Variants in BAZ1A observed in about 807,000 individuals in gnomAD.
BAZ1A encodes the protein bromodomain adjacent to zinc finger domain protein 1A.
Under a neutral mutation model 185.2 loss-of-function variants are expected in BAZ1A, and 50 were observed. The observed-to-expected ratio is 0.27, with a 90% confidence interval of 0.22 to 0.34. The LOEUF (loss-of-function observed/expected upper bound fraction) is 0.34, where lower values mean the gene tolerates loss of function less well. Among genes scored for constraint, BAZ1A ranks in the 10% least tolerant of loss-of-function variants. The pLI is 1.00. For synonymous variants in BAZ1A, 571 were observed against 615.6 expected, an observed-to-expected ratio of 0.93 and a Z score of 1.07; for missense variants, 1,356 against 1,839.9, an observed-to-expected ratio of 0.74 and a Z score of 4.81.
At chr14:34,854,118 A>G (rs1482242517) in intron 3 of BAZ1A, among the ~76,000 whole-genome samples, 1 of 152,204 alleles carries the variant, frequency 6.6e-6, no homozygotes, top group Non-Finnish European at 1.5e-5. Context: ...TATGATGCGG[A>G]ACTCAGGATC....
intron 21 of BAZ1A, among the ~76,000 whole-genome samples, chr14:34,770,542 T>C (rs914417770): frequency 5.9e-5 from 9 of 152,230 alleles, no homozygotes; most frequent in Non-Finnish European, 1.3e-4. Flanking sequence ...ATTTCTTCCA[T>C]GATCCCATTA....
intron 26 of BAZ1A, 71 bp from the exon 27 acceptor site, chr14:34,753,775 A>G: frequency 8.1e-7 from 1 of 1,238,260 alleles, no homozygotes; most frequent in Admixed American, 3.3e-5. Flanking sequence ...TTCTTGTATC[A>G]TATCTGGAAA....
At chr14:34,824,408 C>CAAAACAA (rs2042134517) in intron 4 of BAZ1A, among the ~76,000 whole-genome samples, 1 of 65,770 alleles carries the variant, frequency 1.5e-5, no homozygotes, top group Non-Finnish European at 2.5e-5. Context: ...AGCAGCAACT[C>CAAAACAA]AAAAAAAAAA....
chr14:34,843,492 G>A (rs569886223), intron 3 of BAZ1A, among the ~76,000 whole-genome samples: 6 of 152,096 alleles, frequency 3.9e-5, no homozygotes, highest in Non-Finnish European at 7.4e-5. Flanking sequence ...TGAGGCCCCA[G>A]ACATGTAAGG....
intron 3 of BAZ1A, among the ~76,000 whole-genome samples, chr14:34,849,690 T>C (rs1293456398): frequency 6.6e-6 from 1 of 152,200 alleles, no homozygotes; most frequent in African/African-American, 2.4e-5. Context: ...TAAATGTTAG[T>C]GTACTTCCAG....
At chr14:34,758,550 A>C (rs919010063) in intron 25 of BAZ1A, 154 bp downstream of exon 25, 10 of 726,532 alleles carry the variant, frequency 1.4e-5, no homozygotes, top group Non-Finnish European at 2.1e-5. Flanking sequence ...ACTGCACTCC[A>C]GCCTGGGCGA....
intron 3 of BAZ1A, among the ~76,000 whole-genome samples, chr14:34,847,277 G>T (rs2042529757): frequency 1.3e-5 from 2 of 151,744 alleles, no homozygotes; most frequent in African/African-American, 2.4e-5. Flanking sequence ...GGTCATCAGG[G>T]TTTACTGAAA....
chr14:34,772,638 G>T lies in BAZ1A; in HGVS notation c.3152+934C>A, dbSNP rs577097537. On this transcript the variant is annotated intron_variant, in intron 20 of 26. Transcript: ENST00000360310. ...AATACTTATACTTATTTAGAGATGA[G>T]GTCTCATTGTTGCTCAGGCTGGAGT... 4.6e-5 allele frequency among the ~76,000 whole-genome samples: 7 copies of T among 152,144 alleles called. No individual in the cohort carries two copies. The South Asian group carries it at 1.5e-3, about 32-fold the overall frequency.
At chr14:34,861,830 A>T (rs1023083182) in intron 3 of BAZ1A, among the ~76,000 whole-genome samples, 31 of 152,348 alleles carry the variant, frequency 2.0e-4, no homozygotes, top group Non-Finnish European at 4.1e-4. Context: ...ATACACATAC[A>T]GACGCATGCA....
At chr14:34,845,730 G>A (rs867970580) in intron 3 of BAZ1A, among the ~76,000 whole-genome samples, 24 of 152,046 alleles carry the variant, frequency 1.6e-4, no homozygotes, top group African/African-American at 2.4e-4. Flanking sequence ...GCGTGGTGGC[G>A]TGTGCCTGTA....
At chr14:34,777,421 A>G (rs942610615) in intron 17 of BAZ1A, among the ~76,000 whole-genome samples, 4 of 152,194 alleles carry the variant, frequency 2.6e-5, no homozygotes, top group Admixed American at 6.5e-5. Flanking sequence ...AGGTGGGCGG[A>G]TCACCTGACA....
rs1880238197 is a variant in BAZ1A, at chr14:34,784,070, A to G, written c.1832-143T>C. 3 of 766,006 alleles carry G rather than the reference A, an allele frequency of 3.9e-6. No homozygotes were observed. The South Asian group carries it at 6.5e-5, about 17-fold the overall frequency. The allele number at this position is 766,006 out of a possible 1,614,324, so 47.5% of individuals were successfully genotyped here. A position where few individuals can be genotyped will look rare whatever the true frequency, so the allele number is the denominator to read the frequency against. Reference sequence around the variant, plus strand: ...TCAAACATGTCAATGACATGTCTTCAGGAAAAAGCAATTATGGGCCAGGCG... The same window carrying G: ...TCAAACATGTCAATGACATGTCTTCGGGAAAAAGCAATTATGGGCCAGGCG... On this transcript the variant is annotated intron_variant, in intron 14 of 26. Coordinates refer to ENST00000360310, the MANE Select transcript of BAZ1A (RefSeq NM_013448.3).
intron 9 of BAZ1A, among the ~76,000 whole-genome samples, chr14:34,798,826 C>T (rs10149825): frequency 0.012 from 1,830 of 152,220 alleles, 40 homozygotes; most frequent in African/African-American, 0.041. Context: ...GACAGTGTGG[C>T]GATTCCTCAA....
chr14:34,849,023 G>C (rs2042558328), intron 3 of BAZ1A, among the ~76,000 whole-genome samples: 1 of 152,198 alleles, frequency 6.6e-6, no homozygotes, highest in South Asian at 2.1e-4. Flanking sequence ...ACGTGGCTAG[G>C]TGTGGTGGCT....
chr14:34,806,742 T>TTTA (rs1029313199), intron 6 of BAZ1A, among the ~76,000 whole-genome samples: 13 of 151,764 alleles, frequency 8.6e-5, no homozygotes, highest in Admixed American at 2.0e-4. Flanking sequence ...TTTATTTTTA[T>TTTA]TTATTATTAT....
At chr14:34,830,296 C>T (rs1291239272) in intron 3 of BAZ1A, among the ~76,000 whole-genome samples, 1 of 149,806 alleles carries the variant, frequency 6.7e-6, no homozygotes, top group Admixed American at 6.6e-5. Flanking sequence ...AAATATTATC[C>T]AGCAAAAAAA....
At chr14:34,755,710 A>T (rs572369653) in intron 25 of BAZ1A, among the ~76,000 whole-genome samples, 1 of 149,372 alleles carries the variant, frequency 6.7e-6, no homozygotes, top group Admixed American at 6.7e-5. Context: ...TATCTTTGCT[A>T]TATAAGAGAT....
chr14:34,769,239 C>CT (rs1380478044), intron 21 of BAZ1A, among the ~76,000 whole-genome samples: 1 of 152,156 alleles, frequency 6.6e-6, no homozygotes, highest in East Asian at 1.9e-4. Flanking sequence ...CCATCTCCTG[C>CT]TGTCCTGTGC....
chr14:34,807,463 G>A lies in BAZ1A; in HGVS notation c.714C>T (p.Val238=), dbSNP rs2041862240. Residue 238 remains valine (V), a synonymous_variant, in exon 6 of 27, where the codon GTC becomes GTT. Coordinates refer to ENST00000360310, the MANE Select transcript of BAZ1A (RefSeq NM_013448.3). ...ATTATTTGATTACCTTTATTTTAAT[G>A]ACTCCATCTTGTGGTTCACAGTGTT... The part of the protein sequence containing the change: ...LKQHCEPQDG[V]IKIKASSLST... 1 of 1,604,002 alleles carries A rather than the reference G, an allele frequency of 6.2e-7. No individual in the cohort carries two copies. Among genetic ancestry groups the A allele is most frequent in the Non-Finnish European group, 8.5e-7 (1 of 1,173,288 alleles).
Sources: gnomAD v4.1 joint callset for allele counts (sites outside exome capture counted in the v4.1 genomes callset) on GRCh38, gnomAD v4.1.1 for gene constraint, MANE v1.5 for transcripts, NCBI Gene and HGNC (gene_info 2026-07-23, HGNC 2026-07-21) for gene names.